ENTREP2: variants seen among roughly 807,000 people sequenced by gnomAD.
The protein encoded by ENTREP2 is endosomal transmembrane epsin interactor 2.
chr15:29,279,412 T>C, the ENTREP2 span, among the ~76,000 whole-genome samples: 1 of 152,058 alleles, frequency 6.6e-6, no homozygotes, highest in South Asian at 2.1e-4. Context: ...GTCACCAGGC[T>C]GGTGTGCAGT....
At chr15:29,397,025 T>C in the ENTREP2 span, among the ~76,000 whole-genome samples, 1 of 152,076 alleles carries the variant, frequency 6.6e-6, no homozygotes, top group Non-Finnish European at 1.5e-5. Context: ...ATTAAAATAT[T>C]AAATGTAAAT....
At chr15:29,237,818 C>T in the ENTREP2 span, among the ~76,000 whole-genome samples, 7 of 152,224 alleles carry the variant, frequency 4.6e-5, no homozygotes, top group African/African-American at 1.4e-4. Flanking sequence ...ATTAGGTTGA[C>T]GCAAAAGCAA....
At chr15:29,385,378 A>G in the ENTREP2 span, among the ~76,000 whole-genome samples, 2 of 152,200 alleles carry the variant, frequency 1.3e-5, no homozygotes, top group Non-Finnish European at 2.9e-5. Context: ...TTGACTTTCA[A>G]CAAACACGGG....
the ENTREP2 span, among the ~76,000 whole-genome samples, chr15:29,649,351 G>A: frequency 2.6e-5 from 4 of 151,974 alleles, no homozygotes; most frequent in Non-Finnish European, 5.9e-5. Context: ...TTATGATGAA[G>A]GAAATGTAAA....
At chr15:29,262,362 C>T in the ENTREP2 span, among the ~76,000 whole-genome samples, 425 of 152,318 alleles carry the variant, frequency 2.8e-3, 4 homozygotes, top group Middle Eastern at 6.8e-3. Flanking sequence ...AGTCCTGCCC[C>T]AAACCCTAGA....
the ENTREP2 span, among the ~76,000 whole-genome samples, chr15:29,365,714 T>C: frequency 2.0e-5 from 3 of 152,048 alleles, 1 homozygote; most frequent in African/African-American, 7.2e-5. Context: ...CTCTGATTTG[T>C]CTTTGTCCTT....
the ENTREP2 span, among the ~76,000 whole-genome samples, chr15:29,358,568 C>A: frequency 6.6e-6 from 1 of 152,172 alleles, no homozygotes; most frequent in African/African-American, 2.4e-5. Flanking sequence ...ACATGAATTT[C>A]ATTGTACGTG....
At chr15:29,336,141 CAAAA>C in the ENTREP2 span, among the ~76,000 whole-genome samples, 1 of 77,584 alleles carries the variant, frequency 1.3e-5, no homozygotes, top group Admixed American at 1.7e-4. Flanking sequence ...GACTCCGTCT[CAAAA>C]AAAAAAAAAA....
At chr15:29,539,841 T>C in the ENTREP2 span, among the ~76,000 whole-genome samples, 1 of 152,014 alleles carries the variant, frequency 6.6e-6, no homozygotes, top group South Asian at 2.1e-4. Flanking sequence ...GAGTGACAAA[T>C]GACAGATGAC....
At chr15:29,448,122 A>T in the ENTREP2 span, among the ~76,000 whole-genome samples, 1 of 152,024 alleles carries the variant, frequency 6.6e-6, no homozygotes, top group Non-Finnish European at 1.5e-5. Context: ...AATTTTTTTG[A>T]ACTTAATAAG....
chr15:29,441,575 T>C, the ENTREP2 span, among the ~76,000 whole-genome samples: 1 of 152,224 alleles, frequency 6.6e-6, no homozygotes, highest in South Asian at 2.1e-4. Flanking sequence ...TGTGAGAATA[T>C]ACGTTATGAA....
At chr15:29,395,140 G>T in the ENTREP2 span, among the ~76,000 whole-genome samples, 5 of 151,172 alleles carry the variant, frequency 3.3e-5, no homozygotes, top group African/African-American at 1.2e-4. Flanking sequence ...CGCCCGCCTC[G>T]GCCTCCCAAA....
chr15:29,336,535 T>G, the ENTREP2 span, among the ~76,000 whole-genome samples: 1 of 152,116 alleles, frequency 6.6e-6, no homozygotes, highest in Non-Finnish European at 1.5e-5. Context: ...GGCCTGAAAC[T>G]CATGAGCTCA....
chr15:29,524,096 A>G, the ENTREP2 span, among the ~76,000 whole-genome samples: 64,251 of 151,962 alleles, frequency 0.42, 14,107 homozygotes, highest in African/African-American at 0.55. Flanking sequence ...ACAATCTACA[A>G]ACTGGAAGAA....
the ENTREP2 span, among the ~76,000 whole-genome samples, chr15:29,668,237 G>A: frequency 1.3e-5 from 2 of 152,198 alleles, no homozygotes; most frequent in East Asian, 3.9e-4. Context: ...GGCCTCCACT[G>A]CATTGTCTGC....
At chr15:29,582,575 A>T in the ENTREP2 span, among the ~76,000 whole-genome samples, 1 of 152,168 alleles carries the variant, frequency 6.6e-6, no homozygotes, top group African/African-American at 2.4e-5. Flanking sequence ...GAAAAGGGAA[A>T]CCAAAGCAAG....
chr15:29,131,268 A>G, the ENTREP2 span, among the ~76,000 whole-genome samples: 3 of 151,988 alleles, frequency 2.0e-5, no homozygotes, highest in African/African-American at 7.3e-5. Flanking sequence ...CACTTTGCTA[A>G]CAGATTTTAT....
At chr15:29,179,979 CAG>C in the ENTREP2 span, among the ~76,000 whole-genome samples, 1 of 151,976 alleles carries the variant, frequency 6.6e-6, no homozygotes, top group South Asian at 2.1e-4. Context: ...GTGCTCAATA[CAG>C]AGAGAAGGGA....
the ENTREP2 span, among the ~76,000 whole-genome samples, chr15:29,654,642 T>C: frequency 1.3e-5 from 2 of 152,326 alleles, no homozygotes; most frequent in East Asian, 1.9e-4. Context: ...CTATGTAAGG[T>C]ATCTTTCCTT....
Sources: allele counts gnomAD v4.1 joint callset (sites outside exome capture counted in the v4.1 genomes callset), GRCh38; gene constraint gnomAD v4.1.1; transcripts MANE v1.5; gene names NCBI Gene and HGNC (gene_info 2026-07-23, HGNC 2026-07-21).